PDE1C: variants seen among roughly 807,000 people sequenced by gnomAD.
PDE1C encodes the protein dual specificity calcium/calmodulin-dependent 3',5'-cyclic nucleotide phosphodiesterase 1C.
PDE1C carries 62 observed loss-of-function variants against 93.1 expected under a neutral mutation model. The observed-to-expected ratio is 0.67, with a 90% confidence interval of 0.54 to 0.82. PDE1C has a LOEUF of 0.82. PDE1C is among the 40% of genes least tolerant of loss of function. The pLI is 0.00. For synonymous variants in PDE1C, 325 were observed against 310.1 expected, an observed-to-expected ratio of 1.05 and a Z score of -0.50; for missense variants, 742 against 884.6, an observed-to-expected ratio of 0.84 and a Z score of 2.04.
intron 2 of PDE1C, among the ~76,000 whole-genome samples, chr7:31,931,944 C>G (rs557175163): frequency 1.3e-5 from 2 of 152,280 alleles, no homozygotes; most frequent in East Asian, 3.9e-4. Flanking sequence ...TTTGAGAAAC[C>G]TGACAAAAAC....
intron 1 of PDE1C, among the ~76,000 whole-genome samples, chr7:32,231,459 A>C (rs1807684433): frequency 1.3e-5 from 2 of 152,230 alleles, no homozygotes; most frequent in Admixed American, 1.3e-4. Context: ...AAACAGATTC[A>C]AAAAGAGATG....
chr7:32,229,552 T>C (rs562434731), intron 1 of PDE1C, among the ~76,000 whole-genome samples: 1 of 152,318 alleles, frequency 6.6e-6, no homozygotes, highest in Admixed American at 6.5e-5. Flanking sequence ...TTTATACGTC[T>C]CTTGGGATAA....
At chr7:32,334,240 A>G (rs897404576) in intron 1 of PDE1C, among the ~76,000 whole-genome samples, 3 of 152,192 alleles carry the variant, frequency 2.0e-5, no homozygotes, top group Admixed American at 1.3e-4. Flanking sequence ...TATATAAATA[A>G]AGATCCTTAA....
chr7:32,171,281 T>C (rs1802631666), intron 2 of PDE1C, among the ~76,000 whole-genome samples: 1 of 152,050 alleles, frequency 6.6e-6, no homozygotes, highest in Non-Finnish European at 1.5e-5. Flanking sequence ...GATAAACCAC[T>C]TGAAGAACCT....
chr7:31,922,913 G>A (rs78869120), intron 2 of PDE1C, among the ~76,000 whole-genome samples: 1 of 152,160 alleles, frequency 6.6e-6, no homozygotes, highest in Non-Finnish European at 1.5e-5. Flanking sequence ...TGGGAAAGTG[G>A]ATCTCCTCTT....
intron 11 of PDE1C, among the ~76,000 whole-genome samples, chr7:31,832,506 T>C (rs566082420): frequency 6.6e-6 from 1 of 152,312 alleles, no homozygotes; most frequent in African/African-American, 2.4e-5. Flanking sequence ...AACCCAACTT[T>C]CCAAATGTAA....
chr7:31,837,700 C>G (rs1305723261), intron 10 of PDE1C, among the ~76,000 whole-genome samples, 170 bp downstream of exon 10: 3 of 152,180 alleles, frequency 2.0e-5, no homozygotes, highest in Non-Finnish European at 4.4e-5. Context: ...GAGAACATAC[C>G]TTATTGTGGT....
the PDE1C span, among the ~76,000 whole-genome samples, chr7:31,665,156 C>A: frequency 6.6e-6 from 1 of 152,176 alleles, no homozygotes; most frequent in Non-Finnish European, 1.5e-5. Flanking sequence ...AGCTCATTCT[C>A]CTGCCAGGGG....
intron 1 of PDE1C, among the ~76,000 whole-genome samples, chr7:32,354,494 G>A (rs1216704435): frequency 1.3e-5 from 2 of 152,124 alleles, no homozygotes; most frequent in African/African-American, 2.4e-5. Context: ...AACTGAGCAT[G>A]GTGATGCATA....
chr7:32,104,909 C>A (rs987795201), intron 3 of PDE1C, among the ~76,000 whole-genome samples: 1 of 152,180 alleles, frequency 6.6e-6, no homozygotes, highest in East Asian at 1.9e-4. Context: ...CTTCAAACAT[C>A]TCTTTGAGAT....
At chr7:32,013,371 G>A (rs1357980855) in intron 2 of PDE1C, among the ~76,000 whole-genome samples, 1 of 152,122 alleles carries the variant, frequency 6.6e-6, no homozygotes, top group Non-Finnish European at 1.5e-5. Context: ...TCTCAGCAAG[G>A]CCATTTTTAC....
intron 2 of PDE1C, among the ~76,000 whole-genome samples, chr7:31,960,530 T>C (rs925452717): frequency 6.6e-6 from 1 of 152,178 alleles, no homozygotes; most frequent in Non-Finnish European, 1.5e-5. Flanking sequence ...AACTGTAAAG[T>C]AGATAACAGT....
chr7:32,284,246 A>G (rs970774999), intron 1 of PDE1C, among the ~76,000 whole-genome samples: 3 of 152,244 alleles, frequency 2.0e-5, no homozygotes, highest in Non-Finnish European at 2.9e-5. Context: ...CCCTATTCAC[A>G]TGGCACTAGC....
At chr7:32,324,950 A>G (rs1783376758) in intron 1 of PDE1C, among the ~76,000 whole-genome samples, 1 of 152,130 alleles carries the variant, frequency 6.6e-6, no homozygotes, top group South Asian at 2.1e-4. Flanking sequence ...CCCTATCTCA[A>G]AAAGAGAAAG....
intron 11 of PDE1C, among the ~76,000 whole-genome samples, chr7:31,835,965 T>G (rs753264749): frequency 6.6e-6 from 1 of 152,200 alleles, no homozygotes; most frequent in Non-Finnish European, 1.5e-5. Flanking sequence ...AAAGAGCCCA[T>G]CTCTTGTCAG....
At chr7:32,094,363 G>C (rs1797632759) in intron 3 of PDE1C, among the ~76,000 whole-genome samples, 1 of 152,176 alleles carries the variant, frequency 6.6e-6, no homozygotes, top group Non-Finnish European at 1.5e-5. Context: ...TATTGAATGA[G>C]GGAGGAGGGA....
intron 2 of PDE1C, among the ~76,000 whole-genome samples, chr7:31,957,631 T>A (rs1808322147): frequency 6.6e-6 from 1 of 152,226 alleles, no homozygotes; most frequent in Non-Finnish European, 1.5e-5. Flanking sequence ...GTGTCATTTT[T>A]TAAAAATGGG....
intron 2 of PDE1C, among the ~76,000 whole-genome samples, chr7:32,183,257 A>G (rs1349315072): frequency 6.6e-6 from 1 of 152,370 alleles, no homozygotes; most frequent in Admixed American, 6.5e-5. Context: ...TGCCATCCCC[A>G]TAAAGCTACC....
Position 32,353,435 on chromosome 7 carries a change from G to A in PDE1C, c.310+74387C>T, listed in dbSNP as rs1266877997. Among the ~76,000 whole-genome samples the A allele has an allele frequency of 4.2e-4, 4 of 9,596 alleles. 1 individual carries two copies. The highest frequency in any genetic ancestry group is 3.5e-3 in the Non-Finnish European group (2 of 578). The allele number at this position is 9,596 out of a possible 152,430, so 6.3% of individuals were successfully genotyped here. A position where few individuals can be genotyped will look rare whatever the true frequency, so the allele number is the denominator to read the frequency against. On this transcript the variant is annotated intron_variant, in intron 1 of 1. Coordinates refer to the PDE1C transcript ENST00000672256. ...TGGTAGTTTGTATTTCTGTGGGATC[G>A]GTGGTGATATCCCCTTTATCATTTT...
Sources: gnomAD v4.1 joint callset for allele counts (sites outside exome capture counted in the v4.1 genomes callset) on GRCh38, gnomAD v4.1.1 for gene constraint, MANE v1.5 for transcripts, NCBI Gene and HGNC (gene_info 2026-07-23, HGNC 2026-07-21) for gene names.